NRIP1: variants seen among roughly 807,000 people sequenced by gnomAD.
NRIP1 encodes the protein nuclear receptor-interacting protein 1.
NRIP1 carries 28 observed loss-of-function variants against 75.0 expected under a neutral mutation model. The observed-to-expected ratio is 0.37, with a 90% CI of 0.28 to 0.51. The LOEUF (loss-of-function observed/expected upper bound fraction) is 0.51. NRIP1 is among the 20% of genes least tolerant of loss of function. The probability of loss-of-function intolerance (pLI) is 0.92; values close to 1 mark genes in which losing one functional copy is unlikely to be tolerated. For synonymous variants in NRIP1, 526 were observed against 487.6 expected, an observed-to-expected ratio of 1.08 and a Z score of -1.04; for missense variants, 1,435 against 1,343.7, an observed-to-expected ratio of 1.07 and a Z score of -1.06.
At chr21:15,046,408 A>G (rs1424246385) in intron 1 of NRIP1, among the ~76,000 whole-genome samples, 2 of 152,060 alleles carry the variant, frequency 1.3e-5, no homozygotes, top group Non-Finnish European at 2.9e-5. Flanking sequence ...TTTTTTTCTG[A>G]GCAGTTGGTC....
At chr21:15,032,038 G>A (rs1017785195) in intron 2 of NRIP1, among the ~76,000 whole-genome samples, 6 of 152,218 alleles carry the variant, frequency 3.9e-5, no homozygotes, top group South Asian at 4.1e-4. Flanking sequence ...TCTGGAAGGC[G>A]CTTGGAGGAC....
intron 2 of NRIP1, among the ~76,000 whole-genome samples, chr21:15,021,964 AT>A (rs2088387483): frequency 6.6e-6 from 1 of 152,186 alleles, no homozygotes; most frequent in African/African-American, 2.4e-5. Flanking sequence ...TAGTTCAACC[AT>A]TGTGGAAGAC....
rs189828824 is a variant in NRIP1, at chr21:15,019,587, C to T, written c.-457-5121G>A. 5.1e-5 allele frequency among the ~76,000 whole-genome samples: 7 copies of T among 138,284 alleles called. No homozygotes were observed. The East Asian group carries it at 1.6e-3, about 32-fold the overall frequency. 90.7% of individuals were successfully genotyped at this position (138,284 alleles called of 152,430 possible). A position where few individuals can be genotyped will look rare whatever the true frequency, so the allele number is the denominator to read the frequency against. Reference sequence around the variant, plus strand: ...CACTGCAACCTCTGCCTCCCAGGTTCAAGCAACTCTCCTGCCTCAGCCTCC... The same window carrying T: ...CACTGCAACCTCTGCCTCCCAGGTTTAAGCAACTCTCCTGCCTCAGCCTCC... On this transcript the variant is annotated intron_variant, in intron 2 of 3. Transcript: ENST00000318948.
intron 2 of NRIP1, among the ~76,000 whole-genome samples, chr21:15,028,114 C>A (rs1474091336): frequency 6.6e-6 from 1 of 152,068 alleles, no homozygotes; most frequent in Non-Finnish European, 1.5e-5. Flanking sequence ...GAGTATCTAG[C>A]ATGTGAAAGG....
intron 3 of NRIP1, among the ~76,000 whole-genome samples, chr21:14,982,698 G>A (rs200627568): frequency 1.3e-5 from 1 of 76,300 alleles, no homozygotes; most frequent in Admixed American, 1.5e-4. Flanking sequence ...TTATTGTGGG[G>A]TTTTTTTTTG....
At chr21:15,002,696 A>C (rs905016489) in intron 3 of NRIP1, among the ~76,000 whole-genome samples, 1 of 152,124 alleles carries the variant, frequency 6.6e-6, no homozygotes, top group Non-Finnish European at 1.5e-5. Flanking sequence ...TCAACTGTTA[A>C]CCATTTTTAA....
chr21:15,026,656 T>C (rs1043946847), intron 2 of NRIP1, among the ~76,000 whole-genome samples: 11 of 152,048 alleles, frequency 7.2e-5, no homozygotes, highest in African/African-American at 2.4e-4. Context: ...TATATCAACA[T>C]AGGTATATCA....
At chr21:14,981,852 A>ATTTTTTTTTTTTTTTTTTTTATT (rs61171563) in intron 3 of NRIP1, among the ~76,000 whole-genome samples, 1 of 131,444 alleles carries the variant, frequency 7.6e-6, no homozygotes, top group Non-Finnish European at 1.6e-5. Context: ...AGTTCATTTG[A>ATTTTTTTTTTTTTTTTTTTTATT]TTTTTTTTTT....
chr21:15,047,199 A>T (rs1222255236), intron 1 of NRIP1, among the ~76,000 whole-genome samples: 1 of 152,146 alleles, frequency 6.6e-6, no homozygotes, highest in Non-Finnish European at 1.5e-5. Context: ...CTTCTTCACA[A>T]GGCAGCAGGA....
rs894409287 is a variant in NRIP1 at position 14,964,269 on chromosome 21, T to C, written c.*447A>G. 6.6e-6 allele frequency: 1 copy of C among 152,488 alleles called. No homozygotes were observed. Among genetic ancestry groups the C allele is most frequent in the Non-Finnish European group, 1.5e-5 (1 of 68,196 alleles). The allele number at this position is 152,488 out of a possible 1,614,324, so 9.4% of individuals were successfully genotyped here. On this transcript the variant is annotated 3_prime_UTR_variant, in exon 4 of 4. Coordinates refer to ENST00000318948, the MANE Select transcript of NRIP1 (RefSeq NM_003489.4). ...AATAAGCTGTGAATCAGCACTAGGT[T>C]TTTTTTTATTGGATAATTATCCTTT...
At chr21:14,993,775 A>AC (rs2087637888) in intron 3 of NRIP1, among the ~76,000 whole-genome samples, 1 of 151,754 alleles carries the variant, frequency 6.6e-6, no homozygotes, top group Non-Finnish European at 1.5e-5. Flanking sequence ...ACAGAGAGAG[A>AC]TATGTCTCAA....
At chr21:14,975,217 T>C (rs899046276) in intron 3 of NRIP1, among the ~76,000 whole-genome samples, 15 of 105,506 alleles carry the variant, frequency 1.4e-4, no homozygotes, top group African/African-American at 4.0e-4. Flanking sequence ...AATAGCACCA[T>C]AATCATTCAC....
intron 3 of NRIP1, among the ~76,000 whole-genome samples, chr21:15,005,804 A>C (rs979868148): frequency 1.3e-5 from 2 of 152,202 alleles, no homozygotes; most frequent in Non-Finnish European, 2.9e-5. Context: ...CAAATTATGT[A>C]AGCAGACAAT....
Position 14,967,584 on chromosome 21 carries a change from A to G in NRIP1, c.609T>C (p.Leu203=), listed in dbSNP as rs755361682. The G allele has an allele frequency of 6.2e-7, 1 of 1,614,136 alleles. No homozygotes were observed. Among genetic ancestry groups the G allele is most frequent in the Admixed American group, 1.7e-5 (1 of 60,016 alleles). The change falls in exon 4 of 4, where the codon CTT becomes CTC. Residue 203 remains leucine (L), a synonymous_variant. Transcript: ENST00000318948. Reference sequence around the variant, plus strand: ...TGATGAGGTTTTTAGTCACATCAGGAAGATTCGTATCAGGCTTTTGATCTT... The same window carrying G: ...TGATGAGGTTTTTAGTCACATCAGGGAGATTCGTATCAGGCTTTTGATCTT... ...KVKDQKPDTN[L]PDVTKNLIRD...
chr21:15,065,444 T>G (rs879944097), upstream of NRIP1, among the ~76,000 whole-genome samples: 3 of 151,930 alleles, frequency 2.0e-5, no homozygotes, highest in Non-Finnish European at 4.4e-5. Context: ...GGCCGAATGC[T>G]CCCGTTTGGG....
intron 3 of NRIP1, among the ~76,000 whole-genome samples, chr21:14,973,863 C>CTTTTTTTTTTTTT (rs2086974354): frequency 8.9e-6 from 1 of 112,706 alleles, no homozygotes. Flanking sequence ...TTTTTTTTTC[C>CTTTTTTTTTTTTT]TGTGGAGATG....
intron 3 of NRIP1, among the ~76,000 whole-genome samples, chr21:14,980,570 G>A (rs1444903587): frequency 2.2e-5 from 3 of 135,168 alleles, no homozygotes; most frequent in Non-Finnish European, 4.7e-5. Flanking sequence ...TAAACAAGAT[G>A]TTAAATTTAT....
chr21:14,969,998 T>C (rs938886244), intron 3 of NRIP1, among the ~76,000 whole-genome samples: 3 of 152,168 alleles, frequency 2.0e-5, no homozygotes, highest in Non-Finnish European at 4.4e-5. Context: ...AATGAAATGG[T>C]TATCATGACT....
rs1440055907 is a variant in NRIP1 at position 14,972,632 on chromosome 21, C to G, written c.-334-4106G>C. Among the ~76,000 whole-genome samples, 7 of 152,168 alleles carry G rather than the reference C, an allele frequency of 4.6e-5. No individual in the cohort carries two copies. The East Asian group carries it at 1.3e-3, about 29-fold the overall frequency. ...AGTTACCAATACCTAAAAGTCAACA[C>G]ACATTTAATAATTAGGTTTCTTTAG... On this transcript the variant is annotated intron_variant, in intron 3 of 3. Coordinates refer to ENST00000318948, the MANE Select transcript of NRIP1 (RefSeq NM_003489.4).
Sources: allele counts gnomAD v4.1 joint callset (sites outside exome capture counted in the v4.1 genomes callset), GRCh38; gene constraint gnomAD v4.1.1; transcripts MANE v1.5; gene names NCBI Gene and HGNC (gene_info 2026-07-23, HGNC 2026-07-21).